The following ACSL3 variants were observed in gnomAD, a reference collection of about 807,000 sequenced individuals.
ACSL3 encodes the protein acyl-CoA synthetase long chain family member 3.
A neutral mutation model predicts 84.7 loss-of-function variants in ACSL3; 34 were observed. The ratio of observed to expected loss-of-function variants is 0.40; its 90% CI spans 0.31 to 0.53. ACSL3 has a LOEUF of 0.53. ACSL3 is among the 20% of genes least tolerant of loss of function. The pLI is 0.48. For missense variants in ACSL3, 680 were observed against 873.1 expected, an observed-to-expected ratio of 0.78 and a Z score of 2.79; for synonymous variants, 315 against 299.4, an observed-to-expected ratio of 1.05 and a Z score of -0.54.
rs1226112549 is a variant in ACSL3, at chr2:222,942,918, CT to C, written c.*1266del. On this transcript the variant is annotated 3_prime_UTR_variant, in exon 17 of 17. Transcript: ENST00000357430. ...ACCTTGCTTGTGTGATACATAGTCT[CT>C]TCATTTATTACTGCTTGTCTGTTGT... 4.6e-5 allele frequency: 8 copies of C among 175,516 alleles called. No homozygotes were observed. The highest frequency in any genetic ancestry group is 2.3e-4 in the African/African-American group (8 of 34,564). 10.9% of individuals were successfully genotyped at this position (175,516 alleles called of 1,614,324 possible).
intron 1 of ACSL3, among the ~76,000 whole-genome samples, chr2:222,872,203 C>A (rs1212189391): frequency 6.6e-6 from 1 of 152,180 alleles, no homozygotes; most frequent in Non-Finnish European, 1.5e-5. Flanking sequence ...TGGCTCACTG[C>A]AATCTCCGTC....
rs1375963544 is a variant in ACSL3 at position 222,941,522 on chromosome 2, A to C, written c.2031A>C (p.Pro677=). Reference sequence around the variant, plus strand: ...CAAGTCTGGAAAAGTTTGAAATTCCAGTAAAAATTCGTTTGAGTCCTGAAC... The same window carrying C: ...CAAGTCTGGAAAAGTTTGAAATTCCCGTAAAAATTCGTTTGAGTCCTGAAC... ...ISASLEKFEI[P]VKIRLSPEPW... is the part of the protein sequence containing the mutation. The change falls in exon 17 of 17, where the codon CCA becomes CCC. Residue 677 remains proline, a synonymous_variant. Coordinates refer to ENST00000357430, the MANE Select transcript of ACSL3 (RefSeq NM_004457.5). 1 of 1,606,720 alleles carries C rather than the reference A, an allele frequency of 6.2e-7. No individual in the cohort carries two copies. The highest frequency in any genetic ancestry group is 1.7e-5 in the Admixed American group (1 of 58,924).
chr2:222,940,645 A>G (rs1371815710), intron 16 of ACSL3, among the ~76,000 whole-genome samples: 5 of 152,222 alleles, frequency 3.3e-5, no homozygotes, highest in Non-Finnish European at 2.9e-5. Flanking sequence ...ATACTTAACT[A>G]TTGTGTTACA....
intron 1 of ACSL3, among the ~76,000 whole-genome samples, chr2:222,875,626 G>A (rs917314142): frequency 2.6e-5 from 4 of 152,092 alleles, no homozygotes; most frequent in African/African-American, 9.7e-5. Context: ...TGACTTATTG[G>A]TGAGGCTTCT....
Position 222,943,073 on chromosome 2 carries a change from A to G in ACSL3, c.*1419A>G, listed in dbSNP as rs1409587235. 4.9e-5 allele frequency: 10 copies of G among 204,684 alleles called. No homozygotes were observed. Among genetic ancestry groups the G allele is most frequent in the African/African-American group, 2.4e-4 (9 of 37,316 alleles). The allele number at this position is 204,684 out of a possible 1,614,324, so 12.7% of individuals were successfully genotyped here. ...TGATTCTCAGTTACTGTAGGCATCA[A>G]AAGGCAAAAATCAAAAAAAAAAAAA... On this transcript the variant is annotated 3_prime_UTR_variant, in exon 17 of 17. Transcript: ENST00000357430.
chr2:222,931,338 C>T (rs975000795), intron 14 of ACSL3, among the ~76,000 whole-genome samples: 4 of 151,436 alleles, frequency 2.6e-5, no homozygotes, highest in Non-Finnish European at 4.4e-5. Context: ...GGCATGAACC[C>T]GGGAGGCAGA....
intron 2 of ACSL3, among the ~76,000 whole-genome samples, chr2:222,888,907 C>T (rs2106100917): frequency 6.6e-6 from 1 of 152,262 alleles, no homozygotes; most frequent in East Asian, 1.9e-4. Context: ...GTGCCTGCGT[C>T]TCTTTGAGGG....
chr2:222,928,815 G>A (rs1032207524), intron 12 of ACSL3, 47 bp from the exon 13 acceptor site: 9 of 1,430,040 alleles, frequency 6.3e-6, no homozygotes, highest in Admixed American at 1.7e-5. Flanking sequence ...ATGAAGCAGT[G>A]TATTAGCTAC....
At chr2:222,881,840 T>A (rs954836973) in intron 1 of ACSL3, among the ~76,000 whole-genome samples, 1 of 152,214 alleles carries the variant, frequency 6.6e-6, no homozygotes, top group Non-Finnish European at 1.5e-5. Context: ...TGTATGGTGA[T>A]GCTCACACCT....
chr2:222,868,122 G>T (rs771398972), intron 1 of ACSL3, among the ~76,000 whole-genome samples: 1 of 152,058 alleles, frequency 6.6e-6, no homozygotes, highest in Non-Finnish European at 1.5e-5. Flanking sequence ...AAACGTTTCT[G>T]TGTTGATGTA....
chr2:222,861,973 G>T (rs1036750439), intron 1 of ACSL3, among the ~76,000 whole-genome samples: 8 of 152,168 alleles, frequency 5.3e-5, no homozygotes, highest in Admixed American at 2.0e-4. Flanking sequence ...CGAGGCACAG[G>T]TTTTCAAATG....
Position 222,927,186 on chromosome 2 carries a change from G to A in ACSL3, c.1462G>A (p.Glu488Lys), listed in dbSNP as rs1438093517. 6 of 1,613,324 alleles carry A rather than the reference G, an allele frequency of 3.7e-6. No individual in the cohort carries two copies. The highest frequency in any genetic ancestry group is 3.3e-5 in the South Asian group (3 of 91,056). ...TESAGAGTIS[E>K]VWDYNTGRVG... Reference sequence around the variant, plus strand: ...ATCTGCTGGGGCTGGAACAATTTCCGAAGGTAGTGTTCTCCATGGTCAGAG... The same window carrying A: ...ATCTGCTGGGGCTGGAACAATTTCCAAAGGTAGTGTTCTCCATGGTCAGAG... The change falls in exon 12 of 17, where the codon GAA becomes AAA. Residue 488 changes from glutamate to lysine, a missense_variant. By Grantham distance (56) the Glu-to-Lys change is moderately conservative (BLOSUM62 1). This residue lies in a region of ACSL3 where 347 missense variants were observed against 525.7 expected (regional missense o/e 0.66). Coordinates refer to ENST00000357430, the MANE Select transcript of ACSL3 (RefSeq NM_004457.5).
chr2:222,905,091 G>A (rs534947670), intron 3 of ACSL3: 1 of 152,456 alleles, frequency 6.6e-6, no homozygotes, highest in South Asian at 2.1e-4. Flanking sequence ...GAAAAGGATT[G>A]TTCAGGGGTG....
chr2:222,873,724 T>C (rs571680620), intron 1 of ACSL3, among the ~76,000 whole-genome samples: 39 of 152,338 alleles, frequency 2.6e-4, no homozygotes, highest in Non-Finnish European at 4.9e-4. Flanking sequence ...TTTGAAAATA[T>C]TTTTAGTGGT....
Position 222,943,333 on chromosome 2 carries a change from T to A in ACSL3, c.*1679T>A. 5.3e-6 allele frequency: 1 copy of A among 189,616 alleles called. No homozygotes were observed. The highest frequency in any genetic ancestry group is 1.1e-5 in the Non-Finnish European group (1 of 90,330). The allele number at this position is 189,616 out of a possible 1,614,324, so 11.7% of individuals were successfully genotyped here. ...GTTTGGGATAACTGCCAAGAAGAAG[T>A]AAAAATATTGAATGGAACTTCTATA... On this transcript the variant is annotated 3_prime_UTR_variant, in exon 17 of 17. Coordinates refer to ENST00000357430, the MANE Select transcript of ACSL3 (RefSeq NM_004457.5).
chr2:222,908,557 C>T (rs1416101999), intron 3 of ACSL3, among the ~76,000 whole-genome samples, 176 bp from the exon 4 acceptor site: 2 of 151,946 alleles, frequency 1.3e-5, no homozygotes, highest in African/African-American at 4.8e-5. Flanking sequence ...CTTGTAATTC[C>T]GTTGTTAATA....
rs754764759 is a variant in ACSL3, at chr2:222,943,106, CAAAA to C, written c.*1458_*1461del. On this transcript the variant is annotated 3_prime_UTR_variant, in exon 17 of 17. Transcript: ENST00000357430. ...AAATCAAAAAAAAAAAAAACAAAAACAAAAAAAAAGATGAACCTAGGTCTGTGTA... is the reference window on the plus strand; with the variant it reads ...AAATCAAAAAAAAAAAAAACAAAAACAAAAAGATGAACCTAGGTCTGTGTA... 168 of 209,636 alleles carry C rather than the reference CAAAA, an allele frequency of 8.0e-4. 2 individuals are homozygous for C. The highest frequency in any genetic ancestry group is 1.5e-4 in the Non-Finnish European group (16 of 105,686). 13.0% of individuals were successfully genotyped at this position (209,636 alleles called of 1,614,324 possible). A position where few individuals can be genotyped will look rare whatever the true frequency, so the allele number is the denominator to read the frequency against.
intron 1 of ACSL3, among the ~76,000 whole-genome samples, chr2:222,879,352 A>G (rs1695534240): frequency 6.6e-6 from 1 of 152,068 alleles, no homozygotes; most frequent in African/African-American, 2.4e-5. Context: ...AATTTAGTTA[A>G]ATGCTTTACT....
At chr2:222,925,707 A>C (rs1696860854) in intron 11 of ACSL3, among the ~76,000 whole-genome samples, 1 of 152,228 alleles carries the variant, frequency 6.6e-6, no homozygotes, top group East Asian at 1.9e-4. Flanking sequence ...TTGTGAGTTT[A>C]TATTTTCTGT....
Sources: gnomAD v4.1 joint callset for allele counts (sites outside exome capture counted in the v4.1 genomes callset) on GRCh38, gnomAD v4.1.1 for gene constraint, gnomAD v4.1.1 regional missense constraint, MANE v1.5 for transcripts, NCBI Gene and HGNC (gene_info 2026-07-23, HGNC 2026-07-21) for gene names.